Variants in CERS6 observed in about 807,000 individuals in gnomAD.
The protein encoded by CERS6 is LAG1 homolog, ceramide synthase 6.
CERS6 carries 26 observed loss-of-function variants against 56.8 expected under a neutral mutation model. That is an observed-to-expected ratio of 0.46 (90% CI 0.34 to 0.63). CERS6 has a LOEUF of 0.63. Among genes scored for constraint, CERS6 ranks in the 30% least tolerant of loss-of-function variants. The pLI is 0.01. For synonymous variants in CERS6, 164 were observed against 173.3 expected (o/e 0.95, Z 0.42); for missense variants, 415 against 467.5 (o/e 0.89, Z 1.04).
chr2:168,510,515 C>T (rs960538367), intron 1 of CERS6, among the ~76,000 whole-genome samples: 2 of 152,174 alleles, frequency 1.3e-5, no homozygotes, highest in Non-Finnish European at 2.9e-5. Flanking sequence ...ACGATACCTT[C>T]CAGGTTTGTG....
chr2:168,675,473 C>G (rs1485646059), intron 4 of CERS6, among the ~76,000 whole-genome samples: 1 of 151,870 alleles, frequency 6.6e-6, no homozygotes, highest in Non-Finnish European at 1.5e-5. Flanking sequence ...GTAGTTCCAG[C>G]TACTTGGGGG....
Position 168,472,363 on chromosome 2 carries a change from G to A in CERS6, c.170+15745G>A, listed in dbSNP as rs561444870. Among the ~76,000 whole-genome samples the A allele has an allele frequency of 8.5e-5, 13 of 152,218 alleles. No individual in the cohort carries two copies. In the Middle Eastern group the frequency reaches 0.01, roughly 119 times the overall value. ...TGGTACCCCAGAAGCTTTAAAAACC[G>A]TTTGCAGTATGAAGAGGAAAGGCCT... On this transcript the variant is annotated intron_variant, in intron 1 of 9. Coordinates refer to ENST00000305747, the MANE Select transcript of CERS6 (RefSeq NM_203463.3).
intron 4 of CERS6, among the ~76,000 whole-genome samples, chr2:168,635,077 C>T (rs138774256): frequency 6.6e-6 from 1 of 152,170 alleles, no homozygotes; most frequent in African/African-American, 2.4e-5. Flanking sequence ...GTGTAAGCTC[C>T]TTATGTTGTT....
intron 2 of CERS6, among the ~76,000 whole-genome samples, chr2:168,558,774 C>T (rs2105379860): frequency 6.6e-6 from 1 of 152,250 alleles, no homozygotes; most frequent in Non-Finnish European, 1.5e-5. Context: ...GATGCTGAGG[C>T]AGGAGAATGG....
chr2:168,593,217 T>C (rs1289343992), intron 3 of CERS6, among the ~76,000 whole-genome samples: 1 of 152,214 alleles, frequency 6.6e-6, no homozygotes, highest in African/African-American at 2.4e-5. Context: ...TCTCAAAATT[T>C]TAAATTTAAT....
rs1218283470 is a variant in CERS6, at chr2:168,752,278, A to AGTGTGTGT, written c.846-13314_846-13313insGTGTGTGT. On this transcript the variant is annotated intron_variant, in intron 8 of 9. Coordinates refer to ENST00000305747, the MANE Select transcript of CERS6 (RefSeq NM_203463.3). Reference sequence around the variant, plus strand: ...ACAGACCCCATCTTTTAAAAAAATAAATGTGTGTGTGTGTGTGTGTGTGTG... The same window carrying AGTGTGTGT: ...ACAGACCCCATCTTTTAAAAAAATAAGTGTGTGTATGTGTGTGTGTGTGTGTGTGTGTG... 2.3e-4 allele frequency among the ~76,000 whole-genome samples: 14 copies of AGTGTGTGT among 61,646 alleles called. No homozygotes were observed. The South Asian group carries it at 5.3e-3, about 23-fold the overall frequency. The allele number at this position is 61,646 out of a possible 152,430, so 40.4% of individuals were successfully genotyped here. A position where few individuals can be genotyped will look rare whatever the true frequency, so the allele number is the denominator to read the frequency against.
chr2:168,565,687 GAGT>G (rs1307469664), intron 3 of CERS6, among the ~76,000 whole-genome samples: 1 of 152,244 alleles, frequency 6.6e-6, no homozygotes, highest in Non-Finnish European at 1.5e-5. Context: ...CAGATGGAAT[GAGT>G]AGAAGCTGTT....
intron 1 of CERS6, among the ~76,000 whole-genome samples, chr2:168,460,388 GGTCT>G (rs752231571): frequency 6.6e-6 from 1 of 151,760 alleles, no homozygotes; most frequent in Non-Finnish European, 1.5e-5. Context: ...GTAGAGATGG[GGTCT>G]CCCTGTGTTT....
chr2:168,747,442 G>A lies in CERS6; in HGVS notation c.846-18150G>A, dbSNP rs1684141229. On this transcript the variant is annotated intron_variant, in intron 8 of 9. Transcript: ENST00000305747. ...TCATTTTTTAAAACCATTAGAAATA[G>A]TATTGAGAAAGCATTCTTGAACTTA... Among the ~76,000 whole-genome samples the A allele has an allele frequency of 2.6e-5, 4 of 152,188 alleles. 1 individual carries two copies. In the South Asian group the frequency reaches 6.2e-4, roughly 24 times the overall value.
chr2:168,559,545 T>G (rs1695746229), intron 2 of CERS6, among the ~76,000 whole-genome samples: 1 of 151,486 alleles, frequency 6.6e-6, no homozygotes, highest in Non-Finnish European at 1.5e-5. Flanking sequence ...AGCTCTCTAG[T>G]GTCTCTTCTA....
chr2:168,611,936 T>G (rs780559633), intron 3 of CERS6, among the ~76,000 whole-genome samples: 8 of 152,322 alleles, frequency 5.3e-5, no homozygotes, highest in Non-Finnish European at 1.0e-4. Context: ...TAGAGTCATA[T>G]TGTAGTTGGT....
chr2:168,747,000 GC>G (rs1684128027), intron 8 of CERS6, among the ~76,000 whole-genome samples: 1 of 151,350 alleles, frequency 6.6e-6, no homozygotes, highest in Admixed American at 6.6e-5. Context: ...TCATTTAATC[GC>G]ACTTTAAATC....
intron 1 of CERS6, among the ~76,000 whole-genome samples, chr2:168,539,949 A>T (rs1350836779): frequency 6.6e-6 from 1 of 152,164 alleles, no homozygotes; most frequent in Non-Finnish European, 1.5e-5. Flanking sequence ...GCACTTTTGT[A>T]TTTACCAATA....
At chr2:168,542,842 G>A (rs550989503) in intron 1 of CERS6, among the ~76,000 whole-genome samples, 15 of 152,142 alleles carry the variant, frequency 9.9e-5, no homozygotes, top group South Asian at 8.3e-4. Context: ...GATTACAGGC[G>A]TGCACCACCA....
chr2:168,467,677 A>G (rs1331671156), intron 1 of CERS6, among the ~76,000 whole-genome samples: 1 of 152,202 alleles, frequency 6.6e-6, no homozygotes, highest in Non-Finnish European at 1.5e-5. Flanking sequence ...CTCTTGTAAA[A>G]TGGAGAATAT....
intron 1 of CERS6, among the ~76,000 whole-genome samples, chr2:168,534,956 C>T (rs796562427): frequency 6.6e-6 from 1 of 152,310 alleles, no homozygotes; most frequent in African/African-American, 2.4e-5. Context: ...CAGGGAAGCC[C>T]CACCCAGTGA....
chr2:168,505,442 T>A (rs1045707024), intron 1 of CERS6, among the ~76,000 whole-genome samples: 1 of 138,030 alleles, frequency 7.2e-6, no homozygotes, highest in African/African-American at 2.7e-5. Context: ...CTCAAGGAAA[T>A]CTCTCCCTAT....
chr2:168,495,831 C>T (rs1337886106), intron 1 of CERS6, among the ~76,000 whole-genome samples: 1 of 152,170 alleles, frequency 6.6e-6, no homozygotes, highest in African/African-American at 2.4e-5. Context: ...TGCCCTTGTG[C>T]ACCTATCTGG....
chr2:168,519,653 A>G lies in CERS6; in HGVS notation c.171-27943A>G, dbSNP rs149308930. On this transcript the variant is annotated intron_variant, in intron 1 of 9. Coordinates refer to ENST00000305747, the MANE Select transcript of CERS6 (RefSeq NM_203463.3). ...ATGCAGTATTTGGTTTTCTGTTTCC[A>G]TGACAGTTCACTTAGGATAATGCCC... 6.5e-4 allele frequency among the ~76,000 whole-genome samples: 99 copies of G among 152,242 alleles called. 1 individual carries two copies. Among genetic ancestry groups the G allele is most frequent in the South Asian group, 3.9e-3 (19 of 4,822 alleles).
Sources: allele counts gnomAD v4.1 joint callset (sites outside exome capture counted in the v4.1 genomes callset), GRCh38; gene constraint gnomAD v4.1.1; transcripts MANE v1.5; gene names NCBI Gene and HGNC (gene_info 2026-07-23, HGNC 2026-07-21).